The following PCDHGA3 variants were observed in gnomAD, a reference collection of about 807,000 sequenced individuals.
PCDHGA3 encodes protocadherin gamma subfamily A, 3.
PCDHGA3 carries 40 observed loss-of-function variants against 58.5 expected under a neutral mutation model. The observed-to-expected ratio is 0.68, with a 90% confidence interval of 0.53 to 0.89. PCDHGA3 has a LOEUF of 0.89. PCDHGA3 is among the 40% of genes least tolerant of loss of function. The pLI, the probability that PCDHGA3 is intolerant of heterozygous loss-of-function variation, is 0.00. For synonymous variants in PCDHGA3, 530 were observed against 525.7 expected, an observed-to-expected ratio of 1.01 and a Z score of -0.11; for missense variants, 1,223 against 1,195.9, an observed-to-expected ratio of 1.02 and a Z score of -0.33.
chr5:141,418,986 C>T, intron 1 of PCDHGA3: 1 of 1,613,930 alleles, frequency 6.2e-7, no homozygotes, highest in Non-Finnish European at 8.5e-7. Context: ...GACCAAGACT[C>T]AGGGGAAAAT....
At chr5:141,497,719 T>C (rs1311566820) in intron 2 of PCDHGA3, among the ~76,000 whole-genome samples, 2 of 152,076 alleles carry the variant, frequency 1.3e-5, no homozygotes, top group Non-Finnish European at 2.9e-5. Context: ...TTTGTATTTT[T>C]AGTAGAGATG....
chr5:141,434,072 A>G lies in PCDHGA3; in HGVS notation c.2425-60735A>G, dbSNP rs558084143. On this transcript the variant is annotated intron_variant, in intron 1 of 3. Coordinates refer to ENST00000253812, the MANE Select transcript of PCDHGA3 (RefSeq NM_018916.4). ...CAATGGCCTGTAATCTGTTAATATC[A>G]ATTATTTATTTTGATGCTGAAATTG... Among the ~76,000 whole-genome samples the G allele has an allele frequency of 1.9e-3, 289 of 152,072 alleles. 1 individual carries two copies. Among genetic ancestry groups the G allele is most frequent in the African/African-American group, 6.7e-3 (276 of 41,486 alleles).
At position 141,484,105 on chromosome 5, in the gene PCDHGA3, A is replaced by G. The variant is rs548687877; in HGVS notation, c.2425-10702A>G. On this transcript the variant is annotated intron_variant, in intron 1 of 3. Coordinates refer to ENST00000253812, the MANE Select transcript of PCDHGA3 (RefSeq NM_018916.4). Reference sequence around the variant, plus strand: ...GAAATGGTCTTCGTTGGTAATTAACAAAAGATCAAGAATACCTTGGTGTCA... The same window carrying G: ...GAAATGGTCTTCGTTGGTAATTAACGAAAGATCAAGAATACCTTGGTGTCA... Among the ~76,000 whole-genome samples, 3 of 152,316 alleles carry G rather than the reference A, an allele frequency of 2.0e-5. No individual in the cohort carries two copies. In the South Asian group the frequency reaches 6.2e-4, roughly 32 times the overall value.
At chr5:141,436,305 T>C (rs2097810667) in intron 1 of PCDHGA3, among the ~76,000 whole-genome samples, 1 of 152,184 alleles carries the variant, frequency 6.6e-6, no homozygotes. Flanking sequence ...AGTTAGAGCA[T>C]GAATAGTCAA....
intron 1 of PCDHGA3, chr5:141,393,264 C>A (rs537186931): frequency 6.2e-7 from 1 of 1,613,916 alleles, no homozygotes. Flanking sequence ...TCCTGGAGCA[C>A]GTTATCCACT....
chr5:141,365,539 C>T, intron 1 of PCDHGA3: 1 of 1,613,718 alleles, frequency 6.2e-7, no homozygotes, highest in Non-Finnish European at 8.5e-7. Flanking sequence ...ATTACTATCA[C>T]CTATTAACAA....
In PCDHGA3 at chr5:141,345,570, GTCCT is replaced by G. The variant is rs1757599646; in HGVS notation, c.1538_1541del (p.Val513AspfsTer4). 6.2e-7 allele frequency: 1 copy of G among 1,614,034 alleles called. No homozygotes were observed. Among genetic ancestry groups the G allele is most frequent in the African/African-American group, 1.3e-5 (1 of 74,906 alleles). On this transcript the variant is annotated frameshift_variant, in exon 1 of 4. Transcript: ENST00000253812. LOFTEE classifies it high-confidence loss of function. ...CGTCTCTATCAACTCCAACACTGGC[GTCCT>G]ATACGCGCTGAGATCCTTCGACTAC...
chr5:141,493,340 T>C lies in PCDHGA3; in HGVS notation c.2425-1467T>C, dbSNP rs889623993. Among the ~76,000 whole-genome samples, 1 of 152,202 alleles carries C rather than the reference T, an allele frequency of 6.6e-6. No homozygotes were observed. Among genetic ancestry groups the C allele is most frequent in the Admixed American group, 6.5e-5 (1 of 15,288 alleles). Reference sequence around the variant, plus strand: ...TTCTAACCCCTGTCTAACTCCAGAATGTGTGCTTTTAATTTCTTGGCACTT... The same window carrying C: ...TTCTAACCCCTGTCTAACTCCAGAACGTGTGCTTTTAATTTCTTGGCACTT... On this transcript the variant is annotated intron_variant, in intron 1 of 3. Coordinates refer to ENST00000253812, the MANE Select transcript of PCDHGA3 (RefSeq NM_018916.4). The surrounding 1 kb of genome is among the most constrained non-coding windows in gnomAD (Gnocchi z 4.3).
At chr5:141,494,972 C>A in intron 2 of PCDHGA3, 107 bp downstream of exon 2, 1 of 1,581,852 alleles carries the variant, frequency 6.3e-7, no homozygotes, top group South Asian at 1.1e-5. Flanking sequence ...TGGCTTCTCC[C>A]TCAGTTTGAG....
At chr5:141,355,635 T>C in intron 1 of PCDHGA3, 1 of 1,613,928 alleles carries the variant, frequency 6.2e-7, no homozygotes, top group Non-Finnish European at 8.5e-7. Flanking sequence ...TTGCTGAAAA[T>C]GAAAATCCTG....
At chr5:141,413,956 G>C in intron 1 of PCDHGA3, 11 of 1,613,484 alleles carry the variant, frequency 6.8e-6, no homozygotes, top group Non-Finnish European at 9.3e-6. Context: ...GAATTTGCCT[G>C]TGGGCACTCA....
intron 1 of PCDHGA3, chr5:141,408,864 C>T: frequency 1.2e-6 from 2 of 1,613,638 alleles, no homozygotes; most frequent in Non-Finnish European, 8.5e-7. Context: ...GGGGACCCAC[C>T]AAGAAGTGCC....
chr5:141,473,905 G>T (rs940750776), intron 1 of PCDHGA3, among the ~76,000 whole-genome samples: 2 of 152,096 alleles, frequency 1.3e-5, no homozygotes, highest in African/African-American at 4.8e-5. Context: ...TCATGAAGAG[G>T]TCTTAAGAAA....
chr5:141,485,192 A>T lies in PCDHGA3; in HGVS notation c.2425-9615A>T. 1.2e-6 allele frequency: 2 copies of T among 1,613,942 alleles called. No individual in the cohort carries two copies. Among genetic ancestry groups the T allele is most frequent in the African/African-American group, 2.7e-5 (2 of 75,048 alleles). On this transcript the variant is annotated intron_variant, in intron 1 of 3. Transcript: ENST00000253812. The surrounding 1 kb of genome is among the most constrained non-coding windows in gnomAD (Gnocchi z 5.7). ...GGCAGCAATGCTCCGCAAGGTGAGA[A>T]GCTGGACAGAAATCTGGCGGTGGGC... is the stretch of plus-strand genomic sequence containing the variant.
intron 1 of PCDHGA3, among the ~76,000 whole-genome samples, chr5:141,466,519 C>A (rs1406838553): frequency 6.6e-6 from 1 of 151,864 alleles, no homozygotes; most frequent in Non-Finnish European, 1.5e-5. Flanking sequence ...CATTTTTTTT[C>A]CTCCCAAATT....
intron 1 of PCDHGA3, chr5:141,393,263 A>T: frequency 6.2e-7 from 1 of 1,613,926 alleles, no homozygotes; most frequent in African/African-American, 1.3e-5. Flanking sequence ...TTCCTGGAGC[A>T]CGTTATCCAC....
rs1214425261 is a variant in PCDHGA3 at position 141,485,865 on chromosome 5, C to G, written c.2425-8942C>G. On this transcript the variant is annotated intron_variant, in intron 1 of 3. Coordinates refer to ENST00000253812, the MANE Select transcript of PCDHGA3 (RefSeq NM_018916.4). This position sits in a 1 kb window ranked among gnomAD's most constrained non-coding sequence, Gnocchi z 5.7. The stretch of plus-strand genomic sequence containing the variant: ...TCTGGCACCGCAGAGCTCCGGGTAT[C>G]CGTGCTGGACGTAAACGACAACGCC... The G allele has an allele frequency of 1.2e-6, 2 of 1,614,182 alleles. No individual in the cohort carries two copies.
intron 1 of PCDHGA3, among the ~76,000 whole-genome samples, chr5:141,406,925 GTAT>G (rs2094866637): frequency 6.6e-6 from 1 of 152,150 alleles, no homozygotes; most frequent in South Asian, 2.1e-4. Flanking sequence ...AGAGAATAAT[GTAT>G]TATTTAATGT....
chr5:141,494,781 C>T, intron 1 of PCDHGA3, 26 bp from the exon 2 acceptor site: 1 of 1,614,074 alleles, frequency 6.2e-7, no homozygotes, highest in African/African-American at 1.3e-5. Flanking sequence ...GGGTACTCAG[C>T]CCCTTTCCCT....
Sources: allele counts gnomAD v4.1 joint callset (sites outside exome capture counted in the v4.1 genomes callset), GRCh38; gene constraint gnomAD v4.1.1; non-coding constraint Gnocchi (gnomAD v3.1); transcripts MANE v1.5; gene names NCBI Gene and HGNC (gene_info 2026-07-23, HGNC 2026-07-21).